Variants in ASXL3 observed in about 807,000 individuals in gnomAD.
ASXL3 encodes ASXL transcriptional regulator 3, also known as putative Polycomb group protein ASXL3.
ASXL3 carries 34 observed loss-of-function variants against 170.6 expected under a neutral mutation model. That is an observed-to-expected ratio of 0.20 (90% CI 0.15 to 0.27). ASXL3 has a LOEUF of 0.27. ASXL3 is among the 10% of genes least tolerant of loss of function. The pLI, the probability that ASXL3 is intolerant of heterozygous loss-of-function variation, is 1.00. For synonymous variants in ASXL3, 1,002 were observed against 989.1 expected (o/e 1.01, Z -0.24); for missense variants, 2,592 against 2,695.3 (o/e 0.96, Z 0.85).
chr18:33,644,851 T>C, intron 2 of ASXL3, 43 bp from the exon 3 acceptor site: 1 of 1,266,010 alleles, frequency 7.9e-7, no homozygotes. Context: ...CAATAGAAGC[T>C]GTACCTCAGA....
rs765042212 is a variant in ASXL3, at chr18:33,744,516, C to T, written c.4668C>T (p.Cys1556=). Residue 1556 remains cysteine, a synonymous_variant, in exon 12 of 12, where the codon TGC becomes TGT. Coordinates refer to ENST00000269197, the MANE Select transcript of ASXL3 (RefSeq NM_030632.3). ...ACAGTAAAACATTGCCGGCCACCTG[C>T]ACAAGTCTCCGAGAATTACCCCTTG... is the stretch of plus-strand genomic sequence containing the variant. ...KQDSKTLPAT[C]TSLRELPLVP... 91 of 1,612,242 alleles carry T rather than the reference C, an allele frequency of 5.6e-5. No homozygotes were observed. In the South Asian group the frequency reaches 9.3e-4, roughly 17 times the overall value.
Position 33,729,819 on chromosome 18 carries a change from C to T in ASXL3, c.880-2149C>T, listed in dbSNP as rs112792063. Among the ~76,000 whole-genome samples the T allele has an allele frequency of 7.3e-4, 111 of 152,152 alleles. 1 individual carries two copies. The highest frequency in any genetic ancestry group is 2.2e-3 in the African/African-American group (92 of 41,516). On this transcript the variant is annotated intron_variant, in intron 8 of 11. Coordinates refer to ENST00000269197, the MANE Select transcript of ASXL3 (RefSeq NM_030632.3). Reference sequence around the variant, plus strand: ...GACCGCCATCCCTGAGGAGTTTGAGCCATTGGTTGTCTTGCCCTGTCAGGA... The same window carrying T: ...GACCGCCATCCCTGAGGAGTTTGAGTCATTGGTTGTCTTGCCCTGTCAGGA...
At chr18:33,638,238 A>G (rs994724304) in intron 2 of ASXL3, among the ~76,000 whole-genome samples, 9 of 151,288 alleles carry the variant, frequency 5.9e-5, no homozygotes, top group Admixed American at 2.7e-4. Context: ...ACAAATATAT[A>G]TATTTGTAGA....
chr18:33,700,391 A>G lies in ASXL3; in HGVS notation c.879+16823A>G, dbSNP rs552380080. 2.6e-5 allele frequency among the ~76,000 whole-genome samples: 4 copies of G among 152,056 alleles called. No individual in the cohort carries two copies. The East Asian group carries it at 7.8e-4, about 30-fold the overall frequency. On this transcript the variant is annotated intron_variant, in intron 8 of 11. Coordinates refer to ENST00000269197, the MANE Select transcript of ASXL3 (RefSeq NM_030632.3). ...GAGAGGAAGATGGTGGGTAAATACA[A>G]TGTATTTGAAGTTTCCTAGTGGAAA...
At chr18:33,638,912 C>G (rs764725461) in intron 2 of ASXL3, among the ~76,000 whole-genome samples, 3 of 152,152 alleles carry the variant, frequency 2.0e-5, no homozygotes, top group Non-Finnish European at 4.4e-5. Flanking sequence ...ATTTTTAATA[C>G]TATCCACATG....
intron 8 of ASXL3, among the ~76,000 whole-genome samples, chr18:33,694,167 A>T (rs936467201): frequency 6.6e-6 from 1 of 152,124 alleles, no homozygotes; most frequent in Non-Finnish European, 1.5e-5. Context: ...TCTTCCCTCA[A>T]TCCCCCTTAT....
intron 2 of ASXL3, among the ~76,000 whole-genome samples, chr18:33,619,765 G>A (rs2065480899): frequency 6.6e-6 from 1 of 152,084 alleles, no homozygotes; most frequent in Admixed American, 6.6e-5. Flanking sequence ...CTAACAAAAT[G>A]TAGATAATCC....
At position 33,746,678 on chromosome 18, in the gene ASXL3, G is replaced by A; in HGVS notation, c.*83G>A. ...CAACAACAAATAGAATAATGCAGTGGTTTCTATCATGCTAATTTATTTTGC... is the reference window on the plus strand; with the variant it reads ...CAACAACAAATAGAATAATGCAGTGATTTCTATCATGCTAATTTATTTTGC... On this transcript the variant is annotated 3_prime_UTR_variant, in exon 12 of 12. Transcript: ENST00000269197. 2.0e-6 allele frequency: 3 copies of A among 1,481,074 alleles called. No homozygotes were observed. Among genetic ancestry groups the A allele is most frequent in the Non-Finnish European group, 2.7e-6 (3 of 1,122,838 alleles). 91.7% of individuals were successfully genotyped at this position (1,481,074 alleles called of 1,614,324 possible). A position where few individuals can be genotyped will look rare whatever the true frequency, so the allele number is the denominator to read the frequency against.
chr18:33,686,506 G>A (rs145780970), intron 8 of ASXL3, among the ~76,000 whole-genome samples: 182 of 152,330 alleles, frequency 1.2e-3, no homozygotes, highest in African/African-American at 4.2e-3. Context: ...TAGAGAGGAT[G>A]CTTAAGTTGA....
At chr18:33,668,008 T>C (rs776720061) in intron 5 of ASXL3, among the ~76,000 whole-genome samples, 7 of 152,214 alleles carry the variant, frequency 4.6e-5, no homozygotes, top group Non-Finnish European at 7.3e-5. Flanking sequence ...AGATTTTCTG[T>C]TTAAAGCATC....
At chr18:33,696,694 CTT>C (rs1229999902) in intron 8 of ASXL3, among the ~76,000 whole-genome samples, 2 of 151,896 alleles carry the variant, frequency 1.3e-5, no homozygotes, top group Non-Finnish European at 2.9e-5. Context: ...ATCATTCTTG[CTT>C]TCTCGGAGTG....
At chr18:33,636,317 ACAACAACAACAACAACAG>A (rs1311237252) in intron 2 of ASXL3, among the ~76,000 whole-genome samples, 15 of 91,412 alleles carry the variant, frequency 1.6e-4, no homozygotes, top group Admixed American at 1.1e-3. Flanking sequence ...AACAACAACA[ACAACAACAACAACAACAG>A]CAACAACAAC....
At position 33,747,235 on chromosome 18, in the gene ASXL3, T is replaced by C. The variant is rs1220169058; in HGVS notation, c.*640T>C. The C allele has an allele frequency of 6.6e-6, 1 of 152,220 alleles. No individual in the cohort carries two copies. Among genetic ancestry groups the C allele is most frequent in the Non-Finnish European group, 1.5e-5 (1 of 68,052 alleles). The allele number at this position is 152,220 out of a possible 1,614,324, so 9.4% of individuals were successfully genotyped here. On this transcript the variant is annotated 3_prime_UTR_variant, in exon 12 of 12. Coordinates refer to ENST00000269197, the MANE Select transcript of ASXL3 (RefSeq NM_030632.3). ...TATGGCAGAATATCTGGATCTTCCT[T>C]GGATTTTGTACACATATTGTAGTGA...
intron 4 of ASXL3, among the ~76,000 whole-genome samples, chr18:33,648,781 T>C (rs757606550): frequency 3.9e-5 from 6 of 152,088 alleles, no homozygotes; most frequent in Non-Finnish European, 8.8e-5. Flanking sequence ...AGACTGAAAG[T>C]AAATGGACAC....
intron 8 of ASXL3, among the ~76,000 whole-genome samples, chr18:33,708,900 A>G (rs1262757873): frequency 6.6e-6 from 1 of 152,196 alleles, no homozygotes; most frequent in Non-Finnish European, 1.5e-5. Context: ...ACTTTAATCA[A>G]TCAGTTATAT....
At chr18:33,665,220 G>C (rs1340622653) in intron 5 of ASXL3, among the ~76,000 whole-genome samples, 1 of 152,164 alleles carries the variant, frequency 6.6e-6, no homozygotes, top group Non-Finnish European at 1.5e-5. Flanking sequence ...TATGTTGTTT[G>C]TGTTGGTTTA....
chr18:33,674,908 G>A lies in ASXL3; in HGVS notation c.715+3042G>A, dbSNP rs138998802. Among the ~76,000 whole-genome samples the A allele has an allele frequency of 4.5e-3, 690 of 152,190 alleles. 4 individuals carry two copies. The highest frequency in any genetic ancestry group is 0.016 in the African/African-American group (645 of 41,524). On this transcript the variant is annotated intron_variant, in intron 7 of 11. Transcript: ENST00000269197. ...GCTGGGATTACAGGCGTGAGCCACC[G>A]CACCCAGCCACCCATGTCTTTTTTA...
intron 2 of ASXL3, among the ~76,000 whole-genome samples, chr18:33,636,689 C>T (rs1307353982): frequency 6.6e-6 from 1 of 152,080 alleles, no homozygotes; most frequent in African/African-American, 2.4e-5. Flanking sequence ...GGAAGATCTG[C>T]TCTGAGGAGA....
intron 8 of ASXL3, among the ~76,000 whole-genome samples, chr18:33,714,637 C>T (rs1379128014): frequency 6.6e-6 from 1 of 152,020 alleles, no homozygotes; most frequent in Non-Finnish European, 1.5e-5. Context: ...ATTCTGTCCA[C>T]GTTTTCCCCA....
Sources: allele counts gnomAD v4.1 joint callset (sites outside exome capture counted in the v4.1 genomes callset), GRCh38; gene constraint gnomAD v4.1.1; transcripts MANE v1.5; gene names NCBI Gene and HGNC (gene_info 2026-07-23, HGNC 2026-07-21).